The following RHOBTB1 variants were observed in gnomAD, a reference collection of about 807,000 sequenced individuals.
The protein encoded by RHOBTB1 is rho-related BTB domain-containing protein 1.
A neutral mutation model predicts 71.6 loss-of-function variants in RHOBTB1; 40 were observed. The observed-to-expected ratio is 0.56, with a 90% CI of 0.43 to 0.73. The LOEUF (loss-of-function observed/expected upper bound fraction) is 0.73. Ranked by LOEUF, RHOBTB1 falls within the 30% of genes least tolerant of loss-of-function variation. The probability of loss-of-function intolerance (pLI) is 0.00; values close to 1 mark genes in which losing one functional copy is unlikely to be tolerated. For synonymous variants in RHOBTB1, 319 were observed against 334.9 expected, an observed-to-expected ratio of 0.95 and a Z score of 0.52; for missense variants, 797 against 894.0, an observed-to-expected ratio of 0.89 and a Z score of 1.38.
At chr10:60,905,905 A>G (rs1427576078) in intron 4 of RHOBTB1, among the ~76,000 whole-genome samples, 1 of 152,198 alleles carries the variant, frequency 6.6e-6, no homozygotes, top group Admixed American at 6.5e-5. Context: ...AACACCAGTC[A>G]CTACAGTCCT....
intron 2 of RHOBTB1, among the ~76,000 whole-genome samples, chr10:60,919,496 A>G (rs887008141): frequency 3.3e-5 from 5 of 152,244 alleles, no homozygotes; most frequent in African/African-American, 9.6e-5. Flanking sequence ...ATAGACCCAG[A>G]GCCGGGAAAG....
chr10:60,918,956 G>A (rs1214878496), intron 2 of RHOBTB1, among the ~76,000 whole-genome samples: 1 of 152,042 alleles, frequency 6.6e-6, no homozygotes, highest in Non-Finnish European at 1.5e-5. Flanking sequence ...ATGTTGATCA[G>A]GCTGGTCTCA....
intron 2 of RHOBTB1, among the ~76,000 whole-genome samples, chr10:60,938,434 T>C (rs1168181525): frequency 6.6e-6 from 1 of 152,218 alleles, no homozygotes; most frequent in Non-Finnish European, 1.5e-5. Flanking sequence ...GTTGTTTCTC[T>C]GGGTGCCAGT....
chr10:60,880,933 T>C (rs915409213), intron 7 of RHOBTB1, among the ~76,000 whole-genome samples: 8 of 152,236 alleles, frequency 5.3e-5, no homozygotes, highest in Non-Finnish European at 1.0e-4. Context: ...TTTCATTTCT[T>C]TGATGAAATA....
At chr10:60,921,447 G>C (rs1457821494) in intron 2 of RHOBTB1, among the ~76,000 whole-genome samples, 1 of 152,194 alleles carries the variant, frequency 6.6e-6, no homozygotes, top group Admixed American at 6.5e-5. Context: ...TCTGGAAGAA[G>C]ACACACTGCA....
rs576981453 is a variant in RHOBTB1, at chr10:60,933,753, ATAACTT to A, written c.-11+8045_-11+8050del. ...CATATCACTATTTGTGGAAACAAAA[ATAACTT>A]TAGAAGTCCAAACACAGGAGATGGA... On this transcript the variant is annotated intron_variant, in intron 2 of 10. Coordinates refer to ENST00000337910, the MANE Select transcript of RHOBTB1 (RefSeq NM_014836.5). 4.4e-3 allele frequency among the ~76,000 whole-genome samples: 666 copies of A among 152,322 alleles called. 2 individuals carry two copies. Among genetic ancestry groups the A allele is most frequent in the Non-Finnish European group, 7.3e-3 (499 of 68,028 alleles).
intron 2 of RHOBTB1, among the ~76,000 whole-genome samples, chr10:60,949,194 T>C (rs1030781647): frequency 6.6e-6 from 1 of 152,202 alleles, no homozygotes; most frequent in Admixed American, 6.5e-5. Flanking sequence ...CCTGCTAAAG[T>C]AGATGCTTCT....
intron 2 of RHOBTB1, among the ~76,000 whole-genome samples, chr10:60,924,103 C>G (rs796206645): frequency 1.6e-4 from 24 of 152,230 alleles, no homozygotes; most frequent in African/African-American, 5.5e-4. Context: ...GACTCCAAAT[C>G]TGTGTATTTT....
chr10:60,881,619 C>T (rs186460102), intron 7 of RHOBTB1, among the ~76,000 whole-genome samples: 4 of 152,240 alleles, frequency 2.6e-5, no homozygotes, highest in Admixed American at 1.3e-4. Context: ...TCTCTTCATC[C>T]GTTACATGGG....
intron 2 of RHOBTB1, among the ~76,000 whole-genome samples, chr10:60,952,857 C>T (rs540438291): frequency 3.0e-4 from 45 of 152,124 alleles, no homozygotes; most frequent in Admixed American, 2.7e-3. Context: ...TCAGGATTCT[C>T]GGGGTCCTTG....
At chr10:60,863,563 C>G in the RHOBTB1 span, among the ~76,000 whole-genome samples, 1 of 151,932 alleles carries the variant, frequency 6.6e-6, no homozygotes, top group African/African-American at 2.4e-5. Context: ...GATGAAGTCT[C>G]TCCCTGTTGC....
intron 5 of RHOBTB1, among the ~76,000 whole-genome samples, chr10:60,890,870 AC>A (rs2081883517): frequency 6.6e-6 from 1 of 152,342 alleles, no homozygotes; most frequent in Admixed American, 6.5e-5. Flanking sequence ...CTTGAAATTT[AC>A]CAACTGATGA....
At chr10:60,907,483 C>T (rs566361987) in intron 4 of RHOBTB1, among the ~76,000 whole-genome samples, 101 of 152,222 alleles carry the variant, frequency 6.6e-4, no homozygotes, top group African/African-American at 2.3e-3. Flanking sequence ...TTCAAAAGTT[C>T]ATCCAAAAGT....
chr10:60,888,133 T>C (rs2081682879), intron 6 of RHOBTB1, 79 bp downstream of exon 6: 4 of 1,483,988 alleles, frequency 2.7e-6, no homozygotes, highest in Middle Eastern at 1.9e-4. Flanking sequence ...ATCGTTCTTC[T>C]TTCTCCTGCT....
the RHOBTB1 span, among the ~76,000 whole-genome samples, chr10:60,862,797 T>G: frequency 2.0e-5 from 3 of 150,912 alleles, no homozygotes; most frequent in Non-Finnish European, 3.0e-5. Flanking sequence ...TCTTCCTTTC[T>G]TTCTTTTCCT....
chr10:60,967,138 G>C (rs1409967991), intron 2 of RHOBTB1, among the ~76,000 whole-genome samples: 1 of 151,862 alleles, frequency 6.6e-6, no homozygotes, highest in Non-Finnish European at 1.5e-5. Context: ...GACCTGAACG[G>C]TATGCATTGG....
intron 9 of RHOBTB1, 103 bp from the exon 10 acceptor site, chr10:60,872,393 T>C (rs567763657): frequency 7.5e-6 from 6 of 797,534 alleles, no homozygotes; most frequent in African/African-American, 5.1e-5. Context: ...GAAGGGCTTA[T>C]ATAACTAATT....
intron 2 of RHOBTB1, among the ~76,000 whole-genome samples, chr10:60,979,825 GA>G (rs1169300963): frequency 6.6e-6 from 1 of 152,216 alleles, no homozygotes; most frequent in African/African-American, 2.4e-5. Flanking sequence ...GAGAAGGTGA[GA>G]TTTGAACAAA....
At chr10:60,908,840 A>C (rs1271909070) in intron 4 of RHOBTB1, among the ~76,000 whole-genome samples, 1 of 152,196 alleles carries the variant, frequency 6.6e-6, no homozygotes, top group East Asian at 1.9e-4. Flanking sequence ...GAGGAAATAC[A>C]AGGTACAAAC....
Sources: gnomAD v4.1 joint callset for allele counts (sites outside exome capture counted in the v4.1 genomes callset) on GRCh38, gnomAD v4.1.1 for gene constraint, MANE v1.5 for transcripts, NCBI Gene and HGNC (gene_info 2026-07-23, HGNC 2026-07-21) for gene names.